The following PLB1 variants were observed in gnomAD, a reference collection of about 807,000 sequenced individuals.
PLB1 encodes the protein phospholipase B1.
Under a neutral mutation model 227.4 loss-of-function variants are expected in PLB1, and 242 were observed. That is an observed-to-expected ratio of 1.06 (90% CI 0.96 to 1.18). PLB1 has a LOEUF of 1.18. Among genes scored for constraint, PLB1 ranks in the 50% most tolerant of loss-of-function variants. The pLI, the probability that PLB1 is intolerant of heterozygous loss-of-function variation, is 0.00. For synonymous variants in PLB1, 757 were observed against 682.2 expected (o/e 1.11, Z -1.71); for missense variants, 1,858 against 1,816.3 (o/e 1.02, Z -0.42).
intron 29 of PLB1, 61 bp from the exon 30 acceptor site, chr2:28,591,072 T>C: frequency 6.2e-7 from 1 of 1,601,932 alleles, no homozygotes; most frequent in Non-Finnish European, 8.6e-7. Context: ...CTTAACTGAG[T>C]GCTGACAAGC....
intron 5 of PLB1, among the ~76,000 whole-genome samples, chr2:28,525,673 C>T (rs1294360129): frequency 6.6e-6 from 1 of 152,128 alleles, no homozygotes; most frequent in Non-Finnish European, 1.5e-5. Flanking sequence ...CAGCTTTGGA[C>T]CAGATGAGAG....
Position 28,540,349 on chromosome 2 carries a change from T to C in PLB1, c.699-17T>C. 6.2e-7 allele frequency: 1 copy of C among 1,611,356 alleles called. No individual in the cohort carries two copies. Among genetic ancestry groups the C allele is most frequent in the Non-Finnish European group, 8.5e-7 (1 of 1,177,678 alleles). On this transcript the variant is annotated splice_polypyrimidine_tract_variant and intron_variant, in intron 11 of 57. Coordinates refer to ENST00000327757, the MANE Select transcript of PLB1 (RefSeq NM_153021.5). The stretch of plus-strand genomic sequence containing the variant: ...ACTGCCTCCCCTCTCTCATTCCTGG[T>C]GTGTTTTAACCTGCAGCCCTGCACC...
chr2:28,513,267 G>A (rs1206800147), intron 1 of PLB1, among the ~76,000 whole-genome samples: 2 of 152,204 alleles, frequency 1.3e-5, no homozygotes, highest in African/African-American at 4.8e-5. Context: ...TTGGCAGGCA[G>A]TTAGGGAGGA....
At chr2:28,641,112 C>A in intron 57 of PLB1, 111 bp downstream of exon 57, 1 of 977,748 alleles carries the variant, frequency 1.0e-6, no homozygotes, top group Non-Finnish European at 1.5e-6. Context: ...AATGCGGCTT[C>A]ACTCACTGCC....
rs200820154 is a variant in PLB1 at position 28,630,618 on chromosome 2, G to T, written c.3851G>T (p.Ser1284Ile). The part of the protein sequence containing the change: ...NNCTCLRHSQ[S>I]SLEKQELKKV... ...TGCACTTGCCTCAGACACTCGCAAA[G>T]CTCCCTGGAGAAGCAAGAACTGAAG... The change falls in exon 54 of 58, where the codon AGC becomes ATC. Residue 1284 changes from serine (S) to isoleucine (I), a missense_variant. Physicochemically the swap from Ser to Ile is moderately radical, Grantham distance 142. Coordinates refer to ENST00000327757, the MANE Select transcript of PLB1 (RefSeq NM_153021.5). The T allele has an allele frequency of 1.9e-6, 3 of 1,613,730 alleles. No individual in the cohort carries two copies. The highest frequency in any genetic ancestry group is 2.5e-6 in the Non-Finnish European group (3 of 1,179,838).
intron 1 of PLB1, among the ~76,000 whole-genome samples, chr2:28,501,622 C>T (rs1162766567): frequency 6.6e-6 from 1 of 152,038 alleles, no homozygotes; most frequent in Non-Finnish European, 1.5e-5. Context: ...CCTTTCTATC[C>T]CATTTCTGTC....
chr2:28,585,616 T>TCAGCCAGC, intron 25 of PLB1, 145 bp from the exon 26 acceptor site: 1 of 690,288 alleles, frequency 1.4e-6, no homozygotes, highest in Non-Finnish European at 2.5e-6. Flanking sequence ...GGTCAGCAGG[T>TCAGCCAGC]CAGCCAGCCA....
At chr2:28,623,500 TC>T (rs1687323702) in intron 49 of PLB1, among the ~76,000 whole-genome samples, 1 of 152,188 alleles carries the variant, frequency 6.6e-6, no homozygotes, top group African/African-American at 2.4e-5. Context: ...GAAAAGTCTT[TC>T]TTTATAGCTT....
At chr2:28,625,650 C>T (rs1395351724) in intron 50 of PLB1, among the ~76,000 whole-genome samples, 2 of 152,264 alleles carry the variant, frequency 1.3e-5, no homozygotes, top group East Asian at 1.9e-4. Context: ...ACGCTGGGCT[C>T]TTCCTCCAGT....
chr2:28,548,510 C>T (rs1403446843), intron 14 of PLB1: 1 of 477,918 alleles, frequency 2.1e-6, no homozygotes, highest in Admixed American at 2.3e-5. Flanking sequence ...CAGCTCTGTC[C>T]TGGCTGGCTG....
At chr2:28,564,475 A>G (rs948312362) in intron 18 of PLB1, among the ~76,000 whole-genome samples, 2 of 152,152 alleles carry the variant, frequency 1.3e-5, no homozygotes, top group African/African-American at 4.8e-5. Context: ...AGCTTCATAC[A>G]CTGCTTATCC....
chr2:28,593,546 G>C lies in PLB1; in HGVS notation c.2248-135G>C, dbSNP rs971204922. The C allele has an allele frequency of 4.3e-6, 3 of 705,034 alleles. No individual in the cohort carries two copies. The African/African-American group carries it at 5.3e-5, about 12-fold the overall frequency. 43.7% of individuals were successfully genotyped at this position (705,034 alleles called of 1,614,324 possible). On this transcript the variant is annotated intron_variant, in intron 32 of 57. Coordinates refer to ENST00000327757, the MANE Select transcript of PLB1 (RefSeq NM_153021.5). ...GAGGAGGATGGCAGACTTAGAGCCA[G>C]GGGCTCCTGGTTCCATGTCTGCTCC...
intron 20 of PLB1, among the ~76,000 whole-genome samples, chr2:28,567,469 CT>C (rs57787583): frequency 0.012 from 1,286 of 108,032 alleles, 10 homozygotes; most frequent in East Asian, 0.044. Context: ...ATTTCTTTCT[CT>C]TTTTTTTTTT....
Position 28,607,783 on chromosome 2 carries a change from T to A in PLB1, c.3129+1216T>A, listed in dbSNP as rs1332245929. On this transcript the variant is annotated intron_variant, in intron 43 of 57. Transcript: ENST00000327757. ...GTGGGGGCATTTGGGGACTCAGAAA[T>A]AGCCATATTGTAGATATGTCAATAT... Among the ~76,000 whole-genome samples the A allele has an allele frequency of 2.0e-5, 3 of 151,968 alleles. No individual in the cohort carries two copies. The East Asian group carries it at 5.8e-4, about 29-fold the overall frequency.
chr2:28,605,992 A>C (rs747009283), intron 42 of PLB1, 44 bp downstream of exon 42: 2 of 1,481,560 alleles, frequency 1.3e-6, no homozygotes, highest in South Asian at 2.3e-5. Context: ...GTTCTAGTCT[A>C]GGGCAGGGCA....
rs200695930 is a variant in PLB1 at position 28,579,679 on chromosome 2, A to G, written c.1538A>G (p.Asn513Ser). 34 of 1,613,424 alleles carry G rather than the reference A, an allele frequency of 2.1e-5. No individual in the cohort carries two copies. The highest frequency in any genetic ancestry group is 2.0e-4 in the East Asian group (9 of 44,846). ...WKIITLFIGG[N>S]DLCDFCNDLV... ...ATAATAACCCTGTTTATAGGCGGCA[A>G]TGACCTCTGTGATTTCTGCAATGAT... Residue 513 changes from asparagine to serine, a missense_variant, in exon 23 of 58, where the codon AAT becomes AGT. Asn to Ser is a conservative substitution (Grantham distance 46). Coordinates refer to ENST00000327757, the MANE Select transcript of PLB1 (RefSeq NM_153021.5).
chr2:28,513,444 A>G (rs549250896), intron 1 of PLB1, among the ~76,000 whole-genome samples: 5 of 152,140 alleles, frequency 3.3e-5, no homozygotes, highest in East Asian at 1.9e-4. Context: ...TGGGTGCCAA[A>G]CTCAGTGTTT....
At chr2:28,555,141 C>CTTTTTTT in intron 17 of PLB1, among the ~76,000 whole-genome samples, 1 of 120,234 alleles carries the variant, frequency 8.3e-6, no homozygotes, top group Non-Finnish European at 1.6e-5. Flanking sequence ...TGCCAGTGAT[C>CTTTTTTT]TTTTTTTTTT....
At chr2:28,595,501 C>T (rs567943325) in intron 33 of PLB1, 2 of 152,290 alleles carry the variant, frequency 1.3e-5, no homozygotes, top group African/African-American at 2.4e-5. Context: ...CCATAACCTT[C>T]CTTTGGGGAA....
Sources: gnomAD v4.1 joint callset for allele counts (sites outside exome capture counted in the v4.1 genomes callset) on GRCh38, gnomAD v4.1.1 for gene constraint, MANE v1.5 for transcripts, NCBI Gene and HGNC (gene_info 2026-07-23, HGNC 2026-07-21) for gene names.